The following SGCD variants were observed in gnomAD, a reference collection of about 807,000 sequenced individuals.
The protein encoded by SGCD is delta-sarcoglycan.
SGCD carries 18 observed loss-of-function variants against 36.6 expected under a neutral mutation model. That is an observed-to-expected ratio of 0.49 (90% CI 0.34 to 0.73). SGCD has a LOEUF of 0.73. Among genes scored for constraint, SGCD ranks in the 30% least tolerant of loss-of-function variants. The pLI is 0.01. For synonymous variants in SGCD, 133 were observed against 130.6 expected (o/e 1.02, Z -0.12); for missense variants, 387 against 346.7 (o/e 1.12, Z -0.92).
chr5:156,425,858 G>C (rs143174097), intron 3 of SGCD, among the ~76,000 whole-genome samples: 155 of 152,114 alleles, frequency 1.0e-3, no homozygotes, highest in African/African-American at 3.5e-3. Context: ...ATGGCCTCCA[G>C]CTCCATCCAA....
intron 4 of SGCD, among the ~76,000 whole-genome samples, chr5:156,580,753 G>A (rs913752736): frequency 6.6e-5 from 10 of 152,082 alleles, no homozygotes; most frequent in Admixed American, 5.2e-4. Flanking sequence ...GCTCCATCAG[G>A]TCATTTAAGC....
intron 7 of SGCD, among the ~76,000 whole-genome samples, chr5:156,667,216 T>G (rs1300884189): frequency 6.6e-6 from 1 of 152,144 alleles, no homozygotes; most frequent in African/African-American, 2.4e-5. Flanking sequence ...TCATTCTGTA[T>G]AAACATATAT....
chr5:156,722,883 T>C (rs912344449), intron 7 of SGCD, among the ~76,000 whole-genome samples: 12 of 152,248 alleles, frequency 7.9e-5, no homozygotes, highest in African/African-American at 2.2e-4. Flanking sequence ...ATCACCTTTT[T>C]GTGGGGACCC....
chr5:155,734,090 TA>T, the SGCD span, among the ~76,000 whole-genome samples: 43 of 144,488 alleles, frequency 3.0e-4, no homozygotes, highest in African/African-American at 1.1e-3. Flanking sequence ...TTATATAATA[TA>T]ATAATATTAT....
intron 3 of SGCD, among the ~76,000 whole-genome samples, chr5:156,247,991 A>T (rs1011971072): frequency 6.6e-6 from 1 of 152,224 alleles, no homozygotes; most frequent in Non-Finnish European, 1.5e-5. Context: ...GGGAGTATAT[A>T]GTAAATAAAT....
At chr5:156,622,097 C>A (rs1348743894) in intron 6 of SGCD, among the ~76,000 whole-genome samples, 1 of 151,912 alleles carries the variant, frequency 6.6e-6, no homozygotes, top group African/African-American at 2.4e-5. Context: ...GTAGAATGTA[C>A]AAGTACATTT....
chr5:156,032,859 C>T (rs908225234), intron 1 of SGCD, among the ~76,000 whole-genome samples: 23 of 151,630 alleles, frequency 1.5e-4, no homozygotes, highest in African/African-American at 5.6e-4. Context: ...CTCTTAAGCC[C>T]AGGAGTTTGT....
chr5:156,496,053 T>A (rs984330195), intron 3 of SGCD, among the ~76,000 whole-genome samples: 1 of 152,156 alleles, frequency 6.6e-6, no homozygotes. Context: ...AGGGCCTAAA[T>A]GTAGCCTGTA....
At chr5:156,528,977 T>C (rs998437007) in intron 4 of SGCD, among the ~76,000 whole-genome samples, 4 of 152,194 alleles carry the variant, frequency 2.6e-5, no homozygotes, top group Admixed American at 2.6e-4. Context: ...TTTCATAAAT[T>C]GCATTTATGA....
chr5:156,544,202 C>T (rs1758467864), intron 4 of SGCD, among the ~76,000 whole-genome samples: 1 of 152,132 alleles, frequency 6.6e-6, no homozygotes, highest in South Asian at 2.1e-4. Context: ...TTCTTCCTTT[C>T]CCTAGTTGGG....
chr5:156,038,513 A>G (rs1311011615), intron 1 of SGCD, among the ~76,000 whole-genome samples: 2 of 152,170 alleles, frequency 1.3e-5, no homozygotes, highest in East Asian at 3.9e-4. Context: ...GAAAATTATT[A>G]GGATGTGATA....
intron 7 of SGCD, among the ~76,000 whole-genome samples, chr5:156,708,724 G>A (rs1257088004): frequency 6.6e-6 from 1 of 152,068 alleles, no homozygotes; most frequent in Non-Finnish European, 1.5e-5. Flanking sequence ...TTGAAGGAGG[G>A]AATGTAAATA....
chr5:156,472,544 A>G (rs900715152), intron 3 of SGCD, among the ~76,000 whole-genome samples: 1 of 152,114 alleles, frequency 6.6e-6, no homozygotes, highest in African/African-American at 2.4e-5. Flanking sequence ...TGGACTCCCA[A>G]GTAGCTGAGA....
chr5:156,468,491 A>G (rs1754812010), intron 3 of SGCD, among the ~76,000 whole-genome samples: 1 of 152,204 alleles, frequency 6.6e-6, no homozygotes, highest in East Asian at 1.9e-4. Flanking sequence ...AAAAGTAGAA[A>G]TAATTATTGC....
At chr5:155,816,160 A>T in the SGCD span, among the ~76,000 whole-genome samples, 1 of 152,222 alleles carries the variant, frequency 6.6e-6, no homozygotes, top group African/African-American at 2.4e-5. Context: ...GAAACATGAC[A>T]TATGAGCTAA....
chr5:155,803,396 G>T, the SGCD span, among the ~76,000 whole-genome samples: 1 of 152,176 alleles, frequency 6.6e-6, no homozygotes, highest in African/African-American at 2.4e-5. Flanking sequence ...GGCCTTTTGA[G>T]AATGAGTTAG....
intron 4 of SGCD, among the ~76,000 whole-genome samples, chr5:156,550,618 C>T (rs1758752846): frequency 6.6e-6 from 1 of 152,172 alleles, no homozygotes; most frequent in African/African-American, 2.4e-5. Flanking sequence ...CAATTTTATT[C>T]GTTTGCTTCT....
At chr5:155,742,202 TTATGA>T in the SGCD span, among the ~76,000 whole-genome samples, 1 of 152,224 alleles carries the variant, frequency 6.6e-6, no homozygotes, top group African/African-American at 2.4e-5. Context: ...TTGATTTTAC[TTATGA>T]TAAATAGATA....
chr5:156,165,935 C>T (rs555547730), intron 3 of SGCD, among the ~76,000 whole-genome samples: 92 of 152,280 alleles, frequency 6.0e-4, no homozygotes, highest in Middle Eastern at 3.4e-3. Flanking sequence ...TAGGAAATAG[C>T]AAAAAGTTTT....
Sources: allele counts gnomAD v4.1 joint callset (sites outside exome capture counted in the v4.1 genomes callset), GRCh38; gene constraint gnomAD v4.1.1; transcripts MANE v1.5; gene names NCBI Gene and HGNC (gene_info 2026-07-23, HGNC 2026-07-21).